FGF14: variants seen among roughly 807,000 people sequenced by gnomAD.
FGF14 encodes fibroblast growth factor 14.
FGF14 carries 5 observed loss-of-function variants against 25.5 expected under a neutral mutation model. The ratio of observed to expected loss-of-function variants is 0.20; its 90% CI spans 0.10 to 0.41. The LOEUF (loss-of-function observed/expected upper bound fraction) is 0.41. Ranked by LOEUF, FGF14 falls within the 10% of genes least tolerant of loss-of-function variation. FGF14 has a pLI of 1.00. For synonymous variants in FGF14, 138 were observed against 118.3 expected (o/e 1.17, Z -1.08); for missense variants, 222 against 320.1 (o/e 0.69, Z 2.34).
At chr13:102,215,560 C>T (rs2050336328) in intron 1 of FGF14, among the ~76,000 whole-genome samples, 1 of 152,128 alleles carries the variant, frequency 6.6e-6, no homozygotes, top group African/African-American at 2.4e-5. Flanking sequence ...CTGCATCAAG[C>T]CTTTCTAATT....
intron 1 of FGF14, among the ~76,000 whole-genome samples, chr13:102,392,117 C>T (rs963946660): frequency 1.3e-5 from 2 of 152,224 alleles, no homozygotes; most frequent in African/African-American, 4.8e-5. Flanking sequence ...ATAAGGTTAC[C>T]ACACACTTCA....
intron 1 of FGF14, among the ~76,000 whole-genome samples, chr13:101,911,100 T>A (rs1020776240): frequency 3.9e-5 from 6 of 151,946 alleles, no homozygotes; most frequent in African/African-American, 1.2e-4. Flanking sequence ...TTTAAAAAAA[T>A]TTAAATAAAT....
intron 1 of FGF14, among the ~76,000 whole-genome samples, chr13:101,891,455 T>A (rs1373884675): frequency 6.6e-6 from 1 of 152,194 alleles, no homozygotes; most frequent in African/African-American, 2.4e-5. Context: ...CTCTTTCTGG[T>A]CCTCATAGTC....
At chr13:102,382,224 T>G (rs561570632) in intron 1 of FGF14, among the ~76,000 whole-genome samples, 1 of 152,100 alleles carries the variant, frequency 6.6e-6, no homozygotes, top group Non-Finnish European at 1.5e-5. Context: ...AAAATACTTC[T>G]AAATCATATA....
chr13:101,852,820 T>G (rs1323109399), intron 3 of FGF14, among the ~76,000 whole-genome samples: 1 of 152,104 alleles, frequency 6.6e-6, no homozygotes, highest in Non-Finnish European at 1.5e-5. Context: ...GGATAATAAT[T>G]GAAATATTTT....
intron 3 of FGF14, among the ~76,000 whole-genome samples, chr13:101,798,226 G>A (rs530560279): frequency 1.3e-5 from 2 of 152,152 alleles, no homozygotes; most frequent in South Asian, 4.1e-4. Context: ...CCTGGAGTAA[G>A]CATAAAAACA....
intron 3 of FGF14, among the ~76,000 whole-genome samples, chr13:101,739,687 T>G (rs1353693718): frequency 2.0e-5 from 3 of 152,098 alleles, no homozygotes; most frequent in Non-Finnish European, 2.9e-5. Context: ...CACACAGCAG[T>G]AGGATTTGGG....
chr13:101,857,200 T>C (rs2044170576), intron 3 of FGF14, among the ~76,000 whole-genome samples: 1 of 152,040 alleles, frequency 6.6e-6, no homozygotes. Flanking sequence ...GCCCACATAA[T>C]GATTTCTGCT....
upstream of FGF14, among the ~76,000 whole-genome samples, chr13:101,918,801 T>C (rs998802988): frequency 4.6e-5 from 7 of 151,886 alleles, no homozygotes; most frequent in Non-Finnish European, 8.8e-5. Context: ...GCAGGGATCA[T>C]TGGCTTTACG....
chr13:101,835,900 T>C (rs2042900061), intron 3 of FGF14, among the ~76,000 whole-genome samples: 1 of 152,022 alleles, frequency 6.6e-6, no homozygotes, highest in Non-Finnish European at 1.5e-5. Flanking sequence ...TGACTGTTGC[T>C]GGAAGAAATC....
intron 1 of FGF14, among the ~76,000 whole-genome samples, chr13:101,962,160 C>A (rs1417823532): frequency 6.6e-6 from 1 of 152,098 alleles, no homozygotes; most frequent in Non-Finnish European, 1.5e-5. Flanking sequence ...GGCATTATGG[C>A]CATTTTCAAG....
At position 101,999,763 on chromosome 13, in the gene FGF14, A is replaced by C. The variant is rs1252078031; in HGVS notation, c.209-124467T>G. 2.0e-5 allele frequency among the ~76,000 whole-genome samples: 3 copies of C among 152,136 alleles called. No individual in the cohort carries two copies. The East Asian group carries it at 5.8e-4, about 29-fold the overall frequency. ...AAAGAGAGACTCAGAAATGTGAGGT[A>C]ATGGATCCCATCATATATACGATAA... On this transcript the variant is annotated intron_variant, in intron 1 of 4. Transcript: ENST00000376131.
intron 1 of FGF14, among the ~76,000 whole-genome samples, chr13:102,133,403 T>A (rs1364191695): frequency 6.6e-6 from 1 of 152,208 alleles, no homozygotes; most frequent in Non-Finnish European, 1.5e-5. Flanking sequence ...TGAACAATAA[T>A]TTGGATTGTG....
chr13:102,161,653 A>G lies in FGF14; in HGVS notation c.208+239818T>C, dbSNP rs1199749801. 6.4e-3 allele frequency among the ~76,000 whole-genome samples: 152 copies of G among 23,876 alleles called. 8 individuals are homozygous for G. Among genetic ancestry groups the G allele is most frequent in the Non-Finnish European group, 0.011 (127 of 11,302 alleles). 15.7% of individuals were successfully genotyped at this position (23,876 alleles called of 152,430 possible). On this transcript the variant is annotated intron_variant, in intron 1 of 4. Coordinates refer to the FGF14 transcript ENST00000376131. The stretch of plus-strand genomic sequence containing the variant: ...GAAGAAGAAGAAGAAGAAGAAGAAG[A>G]AGAAGAAGAAGAAGAAGAAGAAGAA...
intron 1 of FGF14, among the ~76,000 whole-genome samples, chr13:102,252,559 A>T (rs537770860): frequency 1.3e-5 from 2 of 152,114 alleles, no homozygotes; most frequent in African/African-American, 4.8e-5. Flanking sequence ...TATACTTTCA[A>T]TCATCTCCAG....
At chr13:101,840,772 T>C (rs1457931642) in intron 3 of FGF14, among the ~76,000 whole-genome samples, 1 of 152,000 alleles carries the variant, frequency 6.6e-6, no homozygotes. Context: ...TTTCTTATCA[T>C]AATCTTAACT....
At chr13:102,039,904 C>T (rs1402257906) in intron 1 of FGF14, among the ~76,000 whole-genome samples, 5 of 151,990 alleles carry the variant, frequency 3.3e-5, no homozygotes, top group East Asian at 1.9e-4. Flanking sequence ...AATTCTGCTT[C>T]GAGGCTCATC....
intron 1 of FGF14, among the ~76,000 whole-genome samples, chr13:102,225,659 G>T (rs1399087612): frequency 2.0e-5 from 3 of 152,148 alleles, no homozygotes; most frequent in African/African-American, 7.2e-5. Context: ...GAAAATTACA[G>T]ATTAGAAGGC....
At chr13:101,811,470 ACCCCATT>A (rs1410593591) in intron 3 of FGF14, among the ~76,000 whole-genome samples, 3 of 152,068 alleles carry the variant, frequency 2.0e-5, no homozygotes, top group Admixed American at 6.6e-5. Context: ...GCTGAATAAT[ACCCCATT>A]GTTTGGGTGT....
Sources: gnomAD v4.1 joint callset for allele counts (sites outside exome capture counted in the v4.1 genomes callset) on GRCh38, gnomAD v4.1.1 for gene constraint, MANE v1.5 for transcripts, NCBI Gene and HGNC (gene_info 2026-07-23, HGNC 2026-07-21) for gene names.